The following PTPRD variants were observed in gnomAD, a reference collection of about 807,000 sequenced individuals.
PTPRD encodes protein tyrosine phosphatase receptor type D, also known as receptor-type tyrosine-protein phosphatase delta.
PTPRD carries 34 observed loss-of-function variants against 214.5 expected under a neutral mutation model. The observed-to-expected ratio is 0.16, with a 90% CI of 0.12 to 0.21. The LOEUF (loss-of-function observed/expected upper bound fraction) is 0.21. PTPRD is among the 10% of genes least tolerant of loss of function. PTPRD has a pLI of 1.00. For missense variants in PTPRD, 2,545 were observed against 2,398.7 expected, an observed-to-expected ratio of 1.06 and a Z score of -1.27; for synonymous variants, 1,128 against 845.7, an observed-to-expected ratio of 1.33 and a Z score of -5.79.
At chr9:10,229,258 T>C (rs1020774552) in intron 3 of PTPRD, among the ~76,000 whole-genome samples, 2 of 152,088 alleles carry the variant, frequency 1.3e-5, no homozygotes, top group African/African-American at 4.8e-5. Flanking sequence ...TTGGCGGGAC[T>C]GTAAACTAGT....
At chr9:10,561,660 AT>A (rs916145284) in intron 2 of PTPRD, among the ~76,000 whole-genome samples, 1 of 152,148 alleles carries the variant, frequency 6.6e-6, no homozygotes, top group African/African-American at 2.4e-5. Flanking sequence ...GAGAAGGAAA[AT>A]GTCTTCATTT....
At chr9:9,391,692 T>C (rs1471175587) in intron 9 of PTPRD, among the ~76,000 whole-genome samples, 1 of 152,204 alleles carries the variant, frequency 6.6e-6, no homozygotes, top group Non-Finnish European at 1.5e-5. Context: ...CTTCCATTTA[T>C]AGTAATATGT....
intron 5 of PTPRD, among the ~76,000 whole-genome samples, chr9:9,835,680 G>C (rs1034173200): frequency 1.3e-5 from 2 of 152,086 alleles, no homozygotes; most frequent in African/African-American, 4.8e-5. Flanking sequence ...AGATGACATT[G>C]TGACCATACC....
chr9:9,197,863 T>C (rs770573793), intron 9 of PTPRD, among the ~76,000 whole-genome samples: 7 of 152,228 alleles, frequency 4.6e-5, no homozygotes, highest in Non-Finnish European at 1.0e-4. Flanking sequence ...TTCTTTATGA[T>C]AGCTCCAGTC....
intron 10 of PTPRD, among the ~76,000 whole-genome samples, chr9:9,103,817 C>A (rs908020721): frequency 1.8e-4 from 27 of 151,888 alleles, no homozygotes; most frequent in Non-Finnish European, 3.8e-4. Flanking sequence ...CCTGTCTCTA[C>A]AAAAAATACA....
intron 45 of PTPRD, among the ~76,000 whole-genome samples, chr9:8,318,485 TCA>T (rs1383169705): frequency 7.2e-5 from 11 of 152,194 alleles, no homozygotes; most frequent in Admixed American, 5.9e-4. Context: ...TGAGAATCAC[TCA>T]CAGTCATTTC....
intron 8 of PTPRD, among the ~76,000 whole-genome samples, chr9:9,402,835 A>C (rs530987531): frequency 2.0e-5 from 3 of 151,882 alleles, no homozygotes; most frequent in Non-Finnish European, 4.4e-5. Context: ...TAAAGGAAGA[A>C]TTAATGGGCA....
chr9:9,811,557 A>G (rs2821482), intron 5 of PTPRD, among the ~76,000 whole-genome samples: 3 of 151,888 alleles, frequency 2.0e-5, no homozygotes, highest in Non-Finnish European at 4.4e-5. Flanking sequence ...AATATAAAAA[A>G]TTAGCCAGGT....
intron 2 of PTPRD, among the ~76,000 whole-genome samples, chr9:10,491,340 T>C (rs2040157505): frequency 1.3e-5 from 2 of 152,310 alleles, no homozygotes; most frequent in South Asian, 2.1e-4. Flanking sequence ...TTTTAGACTC[T>C]AATGTCTAAT....
chr9:8,618,413 G>C (rs2095684778), intron 14 of PTPRD, among the ~76,000 whole-genome samples: 1 of 151,982 alleles, frequency 6.6e-6, no homozygotes, highest in Non-Finnish European at 1.5e-5. Context: ...ACTCATGCTG[G>C]ACTGTTCATT....
intron 4 of PTPRD, among the ~76,000 whole-genome samples, chr9:9,964,715 A>G (rs1042210203): frequency 1.3e-5 from 2 of 152,314 alleles, no homozygotes; most frequent in East Asian, 1.9e-4. Flanking sequence ...ACATTTCTTT[A>G]GGAAAAAAAT....
At chr9:9,222,461 A>C (rs2099956743) in intron 9 of PTPRD, among the ~76,000 whole-genome samples, 2 of 152,072 alleles carry the variant, frequency 1.3e-5, no homozygotes. Flanking sequence ...TTTCAAAGCA[A>C]CTTTAAAAAA....
chr9:8,688,976 T>G (rs1381252486), intron 12 of PTPRD, among the ~76,000 whole-genome samples: 3 of 152,188 alleles, frequency 2.0e-5, no homozygotes, highest in Non-Finnish European at 4.4e-5. Flanking sequence ...CTAAATTTTA[T>G]AAATCAGGGC....
chr9:9,718,412 T>C (rs542248594), intron 7 of PTPRD, among the ~76,000 whole-genome samples: 22 of 152,266 alleles, frequency 1.4e-4, no homozygotes, highest in African/African-American at 5.1e-4. Flanking sequence ...GCTGGGGCTG[T>C]GTGCTCCATG....
At chr9:9,593,224 C>CAA (rs1592442935) in intron 7 of PTPRD, among the ~76,000 whole-genome samples, 1 of 150,800 alleles carries the variant, frequency 6.6e-6, no homozygotes, top group African/African-American at 2.4e-5. Context: ...TTTTTCCCCC[C>CAA]CCTCAAAGAA....
At chr9:8,341,562 T>A in intron 40 of PTPRD, 131 bp downstream of exon 40, 3 of 1,093,698 alleles carry the variant, frequency 2.7e-6, no homozygotes, top group Non-Finnish European at 4.0e-6. Flanking sequence ...CATTTTATAA[T>A]CATACACCTG....
chr9:9,263,763 G>C (rs777741539), intron 9 of PTPRD, among the ~76,000 whole-genome samples: 2 of 151,592 alleles, frequency 1.3e-5, no homozygotes, highest in Non-Finnish European at 3.0e-5. Context: ...AGCACACATA[G>C]GCATAAACAT....
chr9:9,091,693 T>C (rs1569538290), intron 10 of PTPRD, among the ~76,000 whole-genome samples: 1 of 152,154 alleles, frequency 6.6e-6, no homozygotes, highest in African/African-American at 2.4e-5. Flanking sequence ...AAGTACTATA[T>C]TTGCTAAAAT....
intron 3 of PTPRD, among the ~76,000 whole-genome samples, chr9:10,095,285 A>T (rs1252648320): frequency 6.6e-6 from 1 of 151,500 alleles, no homozygotes; most frequent in African/African-American, 2.4e-5. Flanking sequence ...AGTACCCAAT[A>T]TCCCATAGAT....
Sources: allele counts gnomAD v4.1 joint callset (sites outside exome capture counted in the v4.1 genomes callset), GRCh38; gene constraint gnomAD v4.1.1; transcripts MANE v1.5; gene names NCBI Gene and HGNC (gene_info 2026-07-23, HGNC 2026-07-21).